Variants in PALM2AKAP2 observed in about 807,000 individuals in gnomAD.
PALM2AKAP2 encodes the protein PALM2 and AKAP2 fusion, also known as PALM2-AKAP2 fusion protein.
In PALM2AKAP2, 37 loss-of-function variants were observed where a neutral mutation model predicts 71.5. The ratio of observed to expected loss-of-function variants is 0.52; its 90% CI spans 0.40 to 0.68. PALM2AKAP2 has a LOEUF of 0.68. Ranked by LOEUF, PALM2AKAP2 falls within the 30% of genes least tolerant of loss-of-function variation. PALM2AKAP2 has a pLI of 0.00. For synonymous variants in PALM2AKAP2, 468 were observed against 478.8 expected (o/e 0.98, Z 0.29); for missense variants, 1,224 against 1,191.8 (o/e 1.03, Z -0.40).
intron 1 of PALM2AKAP2, among the ~76,000 whole-genome samples, chr9:109,686,838 C>A (rs1827812322): frequency 6.8e-6 from 1 of 146,546 alleles, no homozygotes; most frequent in African/African-American, 2.5e-5. Context: ...TCCCTCCACC[C>A]CACAACAGGC....
chr9:110,051,951 G>T (rs1319571385), intron 1 of PALM2AKAP2, among the ~76,000 whole-genome samples: 1 of 150,936 alleles, frequency 6.6e-6, no homozygotes, highest in East Asian at 1.9e-4. Context: ...TGCTTGGGCT[G>T]GAATGCAGTG....
intron 3 of PALM2AKAP2, 111 bp from the exon 4 acceptor site, chr9:109,923,623 TA>T: frequency 8.3e-7 from 1 of 1,208,060 alleles, no homozygotes; most frequent in Non-Finnish European, 1.1e-6. Flanking sequence ...CAGCGTAATG[TA>T]AAACAAAGGC....
intron 1 of PALM2AKAP2, among the ~76,000 whole-genome samples, chr9:109,755,572 C>T (rs1828946675): frequency 2.0e-5 from 3 of 152,204 alleles, no homozygotes; most frequent in South Asian, 4.2e-4. Flanking sequence ...ATCATTTGAA[C>T]CCAGAAATTT....
At chr9:109,686,350 C>A (rs1445697632) in intron 1 of PALM2AKAP2, among the ~76,000 whole-genome samples, 1 of 152,202 alleles carries the variant, frequency 6.6e-6, no homozygotes, top group Non-Finnish European at 1.5e-5. Context: ...AAACGTATTT[C>A]TTAAACAATA....
intron 3 of PALM2AKAP2, 35 bp downstream of exon 9, chr9:110,156,532 G>C: frequency 6.4e-7 from 1 of 1,564,358 alleles, no homozygotes. Flanking sequence ...TCACTTCTCT[G>C]AGCGCGGCCA....
chr9:109,900,844 T>G (rs965288921), intron 3 of PALM2AKAP2, among the ~76,000 whole-genome samples: 1 of 152,246 alleles, frequency 6.6e-6, no homozygotes, highest in African/African-American at 2.4e-5. Flanking sequence ...CAGTTAACTT[T>G]GACTTCAGAC....
At chr9:109,983,032 A>C (rs949726118) in intron 6 of PALM2AKAP2, among the ~76,000 whole-genome samples, 5 of 152,178 alleles carry the variant, frequency 3.3e-5, no homozygotes, top group African/African-American at 1.2e-4. Flanking sequence ...CAAGAAATAG[A>C]AGAGGGCACA....
At chr9:109,953,548 G>T (rs369539387) in intron 6 of PALM2AKAP2, among the ~76,000 whole-genome samples, 39 of 152,190 alleles carry the variant, frequency 2.6e-4, no homozygotes, top group African/African-American at 9.2e-4. Flanking sequence ...TGGAGGCCGG[G>T]CGCTGGAGGC....
intron 1 of PALM2AKAP2, among the ~76,000 whole-genome samples, chr9:109,646,624 TTC>T (rs1310309676): frequency 2.5e-5 from 3 of 120,716 alleles, no homozygotes; most frequent in African/African-American, 7.8e-5. Context: ...TAACTTAAGG[TTC>T]TTAACATATG....
intron 6 of PALM2AKAP2, among the ~76,000 whole-genome samples, chr9:110,010,751 G>C (rs1832866240): frequency 6.7e-6 from 1 of 148,632 alleles, no homozygotes; most frequent in Admixed American, 6.7e-5. Context: ...TGTAATCCCA[G>C]CACTTTGGGA....
intron 1 of PALM2AKAP2, among the ~76,000 whole-genome samples, chr9:109,826,390 A>G (rs1325089247): frequency 6.6e-6 from 1 of 152,092 alleles, no homozygotes; most frequent in Non-Finnish European, 1.5e-5. Context: ...AATAAATAAA[A>G]TACAGTTTTG....
intron 1 of PALM2AKAP2, among the ~76,000 whole-genome samples, chr9:110,062,267 C>T (rs576514416): frequency 6.6e-6 from 1 of 152,072 alleles, no homozygotes; most frequent in Non-Finnish European, 1.5e-5. Context: ...CAAGAGGCCC[C>T]AGTGTGTGTT....
intron 1 of PALM2AKAP2, among the ~76,000 whole-genome samples, chr9:109,811,045 A>ATC (rs1827714926): frequency 6.6e-6 from 1 of 152,142 alleles, no homozygotes; most frequent in African/African-American, 2.4e-5. Context: ...GTGTGAAATA[A>ATC]TCCTCTCAGA....
intron 1 of PALM2AKAP2, among the ~76,000 whole-genome samples, chr9:110,119,643 G>GT (rs1835442483): frequency 6.6e-6 from 1 of 152,108 alleles, no homozygotes; most frequent in African/African-American, 2.4e-5. Context: ...AAAACTTGTA[G>GT]TTTTTGTGTT....
At chr9:110,044,244 G>A (rs1833557347), upstream of PALM2AKAP2, among the ~76,000 whole-genome samples, 2 of 151,992 alleles carry the variant, frequency 1.3e-5, no homozygotes, top group African/African-American at 2.4e-5. Flanking sequence ...CCACTGTTTG[G>A]TGGGAAAGCC....
At chr9:109,671,330 A>G (rs1387581353) in intron 1 of PALM2AKAP2, among the ~76,000 whole-genome samples, 2 of 152,224 alleles carry the variant, frequency 1.3e-5, no homozygotes, top group African/African-American at 4.8e-5. Flanking sequence ...ATGGCTGGCC[A>G]GTTATCCTAG....
intron 6 of PALM2AKAP2, among the ~76,000 whole-genome samples, chr9:109,935,350 A>G (rs1831196418): frequency 6.6e-6 from 1 of 152,220 alleles, no homozygotes; most frequent in Non-Finnish European, 1.5e-5. Context: ...CCTGTGGCAC[A>G]CCATTAGAGA....
At chr9:109,844,148 G>C (rs190962263) in intron 1 of PALM2AKAP2, among the ~76,000 whole-genome samples, 63 of 152,340 alleles carry the variant, frequency 4.1e-4, no homozygotes, top group Middle Eastern at 3.4e-3. Context: ...CTTCAGCTAA[G>C]TGCTTTCTGG....
At position 110,098,199 on chromosome 9, in the gene PALM2AKAP2, C is replaced by A. The variant is rs112614766; in HGVS notation, c.157-37928C>A. ...GAGAGGGAATCACAGAATTTTCAAA[C>A]TGGTTTAGCATGCTGGCTCTGCAGC... On this transcript the variant is annotated intron_variant, in intron 1 of 3. Coordinates refer to ENST00000374525, the Ensembl canonical transcript of PALM2AKAP2. Among the ~76,000 whole-genome samples, 733 of 145,348 alleles carry A rather than the reference C, an allele frequency of 5.0e-3. 9 individuals carry two copies. The highest frequency in any genetic ancestry group is 0.019 in the African/African-American group (696 of 37,044).
Sources: gnomAD v4.1 joint callset for allele counts (sites outside exome capture counted in the v4.1 genomes callset) on GRCh38, gnomAD v4.1.1 for gene constraint, MANE v1.5 for transcripts, NCBI Gene and HGNC (gene_info 2026-07-23, HGNC 2026-07-21) for gene names.